PARD3B: variants seen among roughly 807,000 people sequenced by gnomAD.
The protein encoded by PARD3B is par-3 family cell polarity regulator beta.
Under a neutral mutation model 130.2 loss-of-function variants are expected in PARD3B, and 103 were observed. That is an observed-to-expected ratio of 0.79 (90% confidence interval 0.67 to 0.93). PARD3B has a LOEUF of 0.93. Ranked by LOEUF, PARD3B falls within the 40% of genes least tolerant of loss-of-function variation. The pLI is 0.00. For synonymous variants in PARD3B, 583 were observed against 553.2 expected, an observed-to-expected ratio of 1.05 and a Z score of -0.76; for missense variants, 1,609 against 1,499.2, an observed-to-expected ratio of 1.07 and a Z score of -1.21.
chr2:204,881,540 AT>A (rs1362706619), intron 2 of PARD3B, among the ~76,000 whole-genome samples: 1 of 149,364 alleles, frequency 6.7e-6, no homozygotes, highest in East Asian at 2.0e-4. Context: ...TGTTATTTTG[AT>A]TGTCTGGGAA....
chr2:205,167,815 C>T (rs931088470), intron 11 of PARD3B, among the ~76,000 whole-genome samples: 1 of 152,210 alleles, frequency 6.6e-6, no homozygotes, highest in Non-Finnish European at 1.5e-5. Context: ...TCTGAGCCTT[C>T]ATCTTTACAT....
intron 2 of PARD3B, among the ~76,000 whole-genome samples, chr2:204,840,189 A>G (rs529942214): frequency 6.6e-6 from 1 of 152,354 alleles, no homozygotes; most frequent in Non-Finnish European, 1.5e-5. Context: ...ATAGCTGAAT[A>G]TAAATTGAAG....
intron 15 of PARD3B, among the ~76,000 whole-genome samples, chr2:205,216,660 T>C (rs767539335): frequency 2.6e-5 from 4 of 152,130 alleles, no homozygotes; most frequent in Non-Finnish European, 4.4e-5. Flanking sequence ...ATTGAGGACT[T>C]ATCACCTGGA....
At chr2:205,243,818 C>T (rs188766121) in intron 15 of PARD3B, among the ~76,000 whole-genome samples, 32 of 152,248 alleles carry the variant, frequency 2.1e-4, no homozygotes, top group African/African-American at 7.0e-4. Context: ...AATAATAATA[C>T]TTTCCAGGTC....
intron 2 of PARD3B, among the ~76,000 whole-genome samples, chr2:204,924,010 A>G (rs534373414): frequency 3.3e-5 from 5 of 152,220 alleles, no homozygotes; most frequent in African/African-American, 1.2e-4. Context: ...ATGATATTTC[A>G]GGAAATATTT....
chr2:205,062,105 G>A (rs546797325), intron 4 of PARD3B, among the ~76,000 whole-genome samples: 19 of 151,920 alleles, frequency 1.3e-4, no homozygotes, highest in African/African-American at 4.6e-4. Context: ...TTACAGGGTG[G>A]ATATCTTCTC....
At chr2:205,031,637 T>C (rs1231534921) in intron 3 of PARD3B, among the ~76,000 whole-genome samples, 1 of 152,162 alleles carries the variant, frequency 6.6e-6, no homozygotes, top group Non-Finnish European at 1.5e-5. Context: ...CACTATTCTG[T>C]GACTTATCAA....
chr2:205,183,062 G>A lies in PARD3B; in HGVS notation c.1925-2702G>A, dbSNP rs1165412050. Among the ~76,000 whole-genome samples, 1 of 152,180 alleles carries A rather than the reference G, an allele frequency of 6.6e-6. No homozygotes were observed. Among genetic ancestry groups the A allele is most frequent in the Non-Finnish European group, 1.5e-5 (1 of 68,028 alleles). On this transcript the variant is annotated intron_variant, in intron 13 of 22. Transcript: ENST00000406610. The surrounding 1 kb of genome is among the most constrained non-coding windows in gnomAD (Gnocchi z 5.2). ...GGTCTTCTTGGCCACTGTTATAAAA[G>A]TGACAGATCCTTGGCAACAGCGAAG...
intron 18 of PARD3B, among the ~76,000 whole-genome samples, 168 bp from the exon 19 acceptor site, chr2:205,400,845 T>C (rs2046226737): frequency 6.6e-6 from 1 of 152,142 alleles, no homozygotes; most frequent in African/African-American, 2.4e-5. Context: ...ATAATGGCAT[T>C]ATTTTTCTGC....
chr2:205,119,177 AT>A, intron 7 of PARD3B, 131 bp downstream of exon 7: 1 of 1,221,518 alleles, frequency 8.2e-7, no homozygotes, highest in Non-Finnish European at 1.1e-6. Flanking sequence ...CAGGATATCC[AT>A]TTTCGAATGC....
intron 1 of PARD3B, among the ~76,000 whole-genome samples, chr2:204,680,348 T>A (rs981522159): frequency 6.6e-6 from 1 of 152,158 alleles, no homozygotes; most frequent in South Asian, 2.1e-4. Flanking sequence ...ATTGTTAAAT[T>A]TATAGGTCCA....
chr2:204,888,187 T>C (rs2046326544), intron 2 of PARD3B, among the ~76,000 whole-genome samples: 1 of 152,112 alleles, frequency 6.6e-6, no homozygotes, highest in South Asian at 2.1e-4. Flanking sequence ...TATGTGGAAA[T>C]AGCTACTAAA....
chr2:205,363,647 C>T (rs2044480161), intron 18 of PARD3B, among the ~76,000 whole-genome samples: 1 of 151,752 alleles, frequency 6.6e-6, no homozygotes, highest in South Asian at 2.1e-4. Flanking sequence ...TTTCTGGAGC[C>T]TCTGTTTTTG....
intron 2 of PARD3B, among the ~76,000 whole-genome samples, chr2:204,797,611 A>C (rs909295304): frequency 6.6e-6 from 1 of 152,240 alleles, no homozygotes; most frequent in Non-Finnish European, 1.5e-5. Context: ...ATGATATTAA[A>C]AATTATTATA....
chr2:205,052,225 GT>G (rs1434524602), intron 4 of PARD3B, among the ~76,000 whole-genome samples: 3 of 151,658 alleles, frequency 2.0e-5, no homozygotes, highest in African/African-American at 7.3e-5. Context: ...ACTGTTTATG[GT>G]TTTTAATTTA....
chr2:205,196,737 T>C (rs541636317), intron 15 of PARD3B, among the ~76,000 whole-genome samples: 2 of 152,272 alleles, frequency 1.3e-5, no homozygotes, highest in East Asian at 1.9e-4. Context: ...TCTTTCCCTA[T>C]TAATTTGAAA....
At chr2:205,526,719 A>G (rs1489632515) in intron 21 of PARD3B, among the ~76,000 whole-genome samples, 1 of 152,210 alleles carries the variant, frequency 6.6e-6, no homozygotes, top group Non-Finnish European at 1.5e-5. Flanking sequence ...AATGTACAAG[A>G]TTACCACTTC....
intron 16 of PARD3B, among the ~76,000 whole-genome samples, chr2:205,282,369 T>G (rs1280525207): frequency 6.6e-6 from 1 of 151,876 alleles, no homozygotes; most frequent in Non-Finnish European, 1.5e-5. Context: ...TGCCCTAGCC[T>G]TTTAAGAAGC....
intron 1 of PARD3B, among the ~76,000 whole-genome samples, chr2:204,660,248 A>G (rs895917873): frequency 3.3e-5 from 5 of 152,096 alleles, no homozygotes; most frequent in East Asian, 1.9e-4. Flanking sequence ...CCTTCAATCA[A>G]TAGTTTCCAT....
Sources: gnomAD v4.1 joint callset for allele counts (sites outside exome capture counted in the v4.1 genomes callset) on GRCh38, gnomAD v4.1.1 for gene constraint, Gnocchi (gnomAD v3.1) non-coding constraint, MANE v1.5 for transcripts, NCBI Gene and HGNC (gene_info 2026-07-23, HGNC 2026-07-21) for gene names.